The following KIF26B variants were observed in gnomAD, a reference collection of about 807,000 sequenced individuals.
KIF26B encodes the protein kinesin family member 26B.
KIF26B carries 63 observed loss-of-function variants against 151.2 expected under a neutral mutation model. The observed-to-expected ratio is 0.42, with a 90% CI of 0.34 to 0.51. The LOEUF is 0.51. KIF26B is among the 20% of genes least tolerant of loss of function. The probability of loss-of-function intolerance (pLI) is 0.07; values close to 1 mark genes in which losing one functional copy is unlikely to be tolerated. For synonymous variants in KIF26B, 1,357 were observed against 1,262.1 expected (o/e 1.08, Z -1.59); for missense variants, 2,813 against 2,913.6 (o/e 0.97, Z 0.79).
chr1:245,320,123 AG>A (rs1397849459), intron 2 of KIF26B, among the ~76,000 whole-genome samples: 1 of 152,180 alleles, frequency 6.6e-6, no homozygotes, highest in Non-Finnish European at 1.5e-5. Flanking sequence ...GAGAGACTGG[AG>A]GTTCAGAGCA....
intron 4 of KIF26B, among the ~76,000 whole-genome samples, chr1:245,470,427 CTTTGTT>C (rs111747351): frequency 9.9e-5 from 15 of 151,604 alleles, no homozygotes; most frequent in East Asian, 1.9e-4. Context: ...CATAATGCCA[CTTTGTT>C]TTTGTTTTTG....
chr1:245,662,774 C>CCCAATATATATATAACCCAGTGAT (rs60172973), intron 10 of KIF26B, among the ~76,000 whole-genome samples: 2 of 68,088 alleles, frequency 2.9e-5, no homozygotes, highest in African/African-American at 1.2e-4. Context: ...CACACACACA[C>CCCAATATATATATAACCCAGTGAT]ATGCATGCCC....
chr1:245,665,583 A>G (rs983860390), intron 10 of KIF26B, among the ~76,000 whole-genome samples: 2 of 152,224 alleles, frequency 1.3e-5, no homozygotes, highest in Admixed American at 6.5e-5. Flanking sequence ...CATTTCAAAA[A>G]CTATAGCTTG....
chr1:245,243,447 T>TAC (rs56334344), intron 2 of KIF26B, among the ~76,000 whole-genome samples: 10,990 of 147,304 alleles, frequency 0.075, 501 homozygotes, highest in Middle Eastern at 0.12. Flanking sequence ...TATATATATA[T>TAC]ACACACACAC....
At chr1:245,176,450 A>G (rs577225519) in intron 2 of KIF26B, among the ~76,000 whole-genome samples, 4 of 152,316 alleles carry the variant, frequency 2.6e-5, no homozygotes, top group Non-Finnish European at 4.4e-5. Context: ...CACAGGGTCT[A>G]TCATGGGATT....
At chr1:245,574,854 TTTTTTTTTTC>T (rs1243647818) in intron 5 of KIF26B, among the ~76,000 whole-genome samples, 1 of 146,036 alleles carries the variant, frequency 6.8e-6, no homozygotes, top group Non-Finnish European at 1.5e-5. Context: ...TATCTTTTTC[TTTTTTTTTTC>T]TTTTTTTTTT....
intron 4 of KIF26B, among the ~76,000 whole-genome samples, chr1:245,478,505 GC>G (rs1460881512): frequency 2.1e-5 from 3 of 145,276 alleles, no homozygotes; most frequent in East Asian, 4.0e-4. Context: ...TCGGCTCACT[GC>G]AAGCTCCGCC....
intron 9 of KIF26B, among the ~76,000 whole-genome samples, chr1:245,621,953 C>G (rs1040581190): frequency 6.6e-6 from 1 of 152,172 alleles, no homozygotes; most frequent in Non-Finnish European, 1.5e-5. Flanking sequence ...GCCTTTTGTT[C>G]TTGTGTTCTG....
chr1:245,161,746 G>A (rs1668533103), intron 2 of KIF26B, among the ~76,000 whole-genome samples: 1 of 152,032 alleles, frequency 6.6e-6, no homozygotes. Flanking sequence ...GAAGCATGAA[G>A]AAAAAATATG....
chr1:245,505,445 G>T (rs1660712954), intron 4 of KIF26B, among the ~76,000 whole-genome samples: 1 of 152,058 alleles, frequency 6.6e-6, no homozygotes, highest in Non-Finnish European at 1.5e-5. Flanking sequence ...GAGTGCTGTG[G>T]CACAATCTTG....
chr1:245,458,274 C>A (rs1194663374), intron 4 of KIF26B, among the ~76,000 whole-genome samples: 1 of 152,184 alleles, frequency 6.6e-6, no homozygotes, highest in Non-Finnish European at 1.5e-5. Flanking sequence ...GCTAGAAAGA[C>A]ACTACCCATG....
chr1:245,313,990 C>T (rs1196897164), intron 2 of KIF26B, among the ~76,000 whole-genome samples: 4 of 152,162 alleles, frequency 2.6e-5, no homozygotes, highest in Admixed American at 1.3e-4. Flanking sequence ...TTCCCCCTCT[C>T]GCTCTCCGCA....
intron 9 of KIF26B, among the ~76,000 whole-genome samples, chr1:245,637,096 T>A (rs1291553783): frequency 1.3e-5 from 2 of 152,122 alleles, no homozygotes; most frequent in Admixed American, 1.3e-4. Flanking sequence ...ACCTCCAGAA[T>A]GTTTTCCATG....
intron 4 of KIF26B, among the ~76,000 whole-genome samples, chr1:245,444,701 C>A (rs138641568): frequency 1.3e-5 from 2 of 152,234 alleles, no homozygotes; most frequent in South Asian, 4.2e-4. Context: ...GGCAGACTAA[C>A]GTCTCTTGAG....
chr1:245,316,672 C>A (rs1287224820), intron 2 of KIF26B, among the ~76,000 whole-genome samples: 2 of 152,136 alleles, frequency 1.3e-5, no homozygotes, highest in African/African-American at 4.8e-5. Context: ...TGTCTGCAAG[C>A]TTAAAATACC....
chr1:245,427,122 A>G lies in KIF26B; in HGVS notation c.1166+7377A>G, dbSNP rs181400412. On this transcript the variant is annotated intron_variant, in intron 4 of 14. Coordinates refer to ENST00000407071, the MANE Select transcript of KIF26B (RefSeq NM_018012.4). ...ATACATCAACAATATTACCAGAGAA[A>G]AACTACCCTAAACATACCACAATTG... Among the ~76,000 whole-genome samples, 13 of 152,312 alleles carry G rather than the reference A, an allele frequency of 8.5e-5. No homozygotes were observed. The East Asian group carries it at 2.3e-3, about 27-fold the overall frequency.
At chr1:245,303,323 C>A (rs568028044) in intron 2 of KIF26B, among the ~76,000 whole-genome samples, 2 of 150,990 alleles carry the variant, frequency 1.3e-5, no homozygotes, top group Non-Finnish European at 2.9e-5. Flanking sequence ...CTCAGCCTCC[C>A]GAGTAGCTGG....
At chr1:245,523,995 T>C (rs540634258) in intron 4 of KIF26B, among the ~76,000 whole-genome samples, 1 of 152,326 alleles carries the variant, frequency 6.6e-6, no homozygotes, top group South Asian at 2.1e-4. Flanking sequence ...ACCTTACCAA[T>C]TTCCCCAAAA....
At chr1:245,209,408 T>G (rs1418231988) in intron 2 of KIF26B, among the ~76,000 whole-genome samples, 5 of 142,596 alleles carry the variant, frequency 3.5e-5, no homozygotes, top group East Asian at 2.0e-4. Context: ...CTAAAAAAAA[T>G]AAAACAAGAA....
Sources: allele counts gnomAD v4.1 joint callset (sites outside exome capture counted in the v4.1 genomes callset), GRCh38; gene constraint gnomAD v4.1.1; transcripts MANE v1.5; gene names NCBI Gene and HGNC (gene_info 2026-07-23, HGNC 2026-07-21).